ENPP6: variants seen among roughly 807,000 people sequenced by gnomAD.
ENPP6 encodes the protein ectonucleotide pyrophosphatase/phosphodiesterase 6, also known as glycerophosphocholine cholinephosphodiesterase ENPP6.
A neutral mutation model predicts 42.0 loss-of-function variants in ENPP6; 32 were observed. The ratio of observed to expected loss-of-function variants is 0.76; its 90% CI spans 0.58 to 1.02. The LOEUF is 1.02. ENPP6 is among the 50% of genes least tolerant of loss of function. ENPP6 has a pLI of 0.00. For missense variants in ENPP6, 552 were observed against 566.8 expected (o/e 0.97, Z 0.27); for synonymous variants, 213 against 216.0 (o/e 0.99, Z 0.12).
In ENPP6 at chr4:184,205,086, C is replaced by T. The variant is rs997876290; in HGVS notation, c.241+12493G>A. Among the ~76,000 whole-genome samples the T allele has an allele frequency of 2.6e-5, 4 of 152,068 alleles. 1 individual carries two copies. Among genetic ancestry groups the T allele is most frequent in the South Asian group, 4.1e-4 (2 of 4,824 alleles). ...GCTGGGATTATGGCACCCACCACTA[C>T]AACCAGCTAAATTTTTTTGTATTTT... On this transcript the variant is annotated intron_variant, in intron 1 of 7. Transcript: ENST00000296741.
intron 1 of ENPP6, among the ~76,000 whole-genome samples, chr4:184,200,020 G>A (rs528649600): frequency 2.6e-5 from 4 of 152,252 alleles, no homozygotes; most frequent in Admixed American, 6.5e-5. Context: ...TCCTCAAAGC[G>A]ATATACACAT....
intron 2 of ENPP6, among the ~76,000 whole-genome samples, chr4:184,147,085 T>C (rs550149530): frequency 6.6e-6 from 1 of 152,222 alleles, no homozygotes; most frequent in East Asian, 1.9e-4. Context: ...CGAATTGATG[T>C]CCCTCTGCCT....
At chr4:184,208,645 C>G (rs1370246567) in intron 1 of ENPP6, among the ~76,000 whole-genome samples, 4 of 149,454 alleles carry the variant, frequency 2.7e-5, no homozygotes, top group African/African-American at 7.4e-5. Flanking sequence ...AACTGCAAGG[C>G]GGCAGCGAGG....
intron 1 of ENPP6, among the ~76,000 whole-genome samples, chr4:184,157,791 T>TTTTG (rs56003532): frequency 7.0e-6 from 1 of 142,242 alleles, no homozygotes; most frequent in East Asian, 2.1e-4. Flanking sequence ...TTTTTTTTTT[T>TTTTG]GTATTTTTTG....
At chr4:184,197,183 T>C (rs1360516092) in intron 1 of ENPP6, among the ~76,000 whole-genome samples, 1 of 152,136 alleles carries the variant, frequency 6.6e-6, no homozygotes, top group East Asian at 1.9e-4. Flanking sequence ...ATAGAGAGGA[T>C]GGCCAAGCTG....
At chr4:184,168,633 A>C (rs921026266) in intron 1 of ENPP6, among the ~76,000 whole-genome samples, 5 of 152,158 alleles carry the variant, frequency 3.3e-5, no homozygotes, top group Admixed American at 3.3e-4. Flanking sequence ...CACCGCCCGC[A>C]GCCGTCCCCG....
chr4:184,148,801 C>T (rs549810955), intron 2 of ENPP6, among the ~76,000 whole-genome samples: 1 of 152,294 alleles, frequency 6.6e-6, no homozygotes, highest in South Asian at 2.1e-4. Context: ...CATTAAAAAA[C>T]CAAATCAATT....
intron 1 of ENPP6, among the ~76,000 whole-genome samples, chr4:184,204,885 C>T (rs1477408590): frequency 6.6e-6 from 1 of 152,116 alleles, no homozygotes; most frequent in East Asian, 1.9e-4. Context: ...CATTCATTTC[C>T]CTGAAACTCT....
At chr4:184,117,646 G>A (rs1350333419) in intron 4 of ENPP6, 113 bp downstream of exon 4, 8 of 1,482,864 alleles carry the variant, frequency 5.4e-6, no homozygotes, top group Non-Finnish European at 7.4e-6. Flanking sequence ...GCCTGTGCTG[G>A]CCCAATTGGC....
intron 1 of ENPP6, among the ~76,000 whole-genome samples, chr4:184,170,779 G>T (rs528413179): frequency 6.6e-6 from 1 of 152,214 alleles, no homozygotes; most frequent in Non-Finnish European, 1.5e-5. Flanking sequence ...CATGTGGCTC[G>T]TGGTGTCTGT....
intron 1 of ENPP6, among the ~76,000 whole-genome samples, chr4:184,207,593 A>G (rs1404386929): frequency 1.3e-5 from 2 of 152,214 alleles, no homozygotes; most frequent in African/African-American, 4.8e-5. Flanking sequence ...TCAGAGAGAG[A>G]GCTTATGCCT....
intron 5 of ENPP6, among the ~76,000 whole-genome samples, chr4:184,116,032 G>C (rs559945477): frequency 6.8e-4 from 103 of 151,754 alleles, no homozygotes; most frequent in African/African-American, 2.4e-3. Context: ...TGGTTAACAT[G>C]GTGAAACCCC....
intron 1 of ENPP6, among the ~76,000 whole-genome samples, chr4:184,195,409 C>G (rs1272833797): frequency 6.6e-6 from 1 of 152,158 alleles, no homozygotes; most frequent in African/African-American, 2.4e-5. Flanking sequence ...CATTAGTTTG[C>G]TAAGAATAAT....
intron 1 of ENPP6, among the ~76,000 whole-genome samples, chr4:184,213,029 T>C (rs999749356): frequency 1.3e-5 from 2 of 151,888 alleles, no homozygotes; most frequent in African/African-American, 4.8e-5. Context: ...GAAAACTGGC[T>C]AGCCATATGG....
At chr4:184,198,434 G>T (rs547480074) in intron 1 of ENPP6, among the ~76,000 whole-genome samples, 1 of 152,318 alleles carries the variant, frequency 6.6e-6, no homozygotes, top group African/African-American at 2.4e-5. Flanking sequence ...GTACACTAGG[G>T]GAGGTCTCAT....
At chr4:184,178,752 C>T (rs538687295) in intron 1 of ENPP6, among the ~76,000 whole-genome samples, 67 of 152,254 alleles carry the variant, frequency 4.4e-4, no homozygotes, top group African/African-American at 1.6e-3. Flanking sequence ...ATTTCAAACC[C>T]AGAATTTCAT....
intron 2 of ENPP6, among the ~76,000 whole-genome samples, chr4:184,142,085 G>A (rs755432669): frequency 1.1e-4 from 17 of 152,216 alleles, no homozygotes; most frequent in Non-Finnish European, 2.4e-4. Context: ...GCCAGCCATC[G>A]GGTCTAGCTC....
chr4:184,105,780 C>T (rs1395177029), intron 6 of ENPP6, among the ~76,000 whole-genome samples: 1 of 152,102 alleles, frequency 6.6e-6, no homozygotes, highest in Non-Finnish European at 1.5e-5. Flanking sequence ...CCAAAGTCTA[C>T]GATGATCCAG....
chr4:184,096,732 T>A (rs1735906706), intron 7 of ENPP6, among the ~76,000 whole-genome samples: 1 of 152,088 alleles, frequency 6.6e-6, no homozygotes, highest in Non-Finnish European at 1.5e-5. Flanking sequence ...ATTCTCAAAG[T>A]CAGGCTCAAG....
Sources: allele counts gnomAD v4.1 joint callset (sites outside exome capture counted in the v4.1 genomes callset), GRCh38; gene constraint gnomAD v4.1.1; transcripts MANE v1.5; gene names NCBI Gene and HGNC (gene_info 2026-07-23, HGNC 2026-07-21).